TUBB8: variants seen among roughly 807,000 people sequenced by gnomAD.
TUBB8 encodes tubulin beta-8 chain.
In TUBB8, 25 loss-of-function variants were observed where a neutral mutation model predicts 33.7. That is an observed-to-expected ratio of 0.74 (90% confidence interval 0.54 to 1.04). The LOEUF (loss-of-function observed/expected upper bound fraction) is 1.04. TUBB8 is among the 50% of genes least tolerant of loss of function. The probability of loss-of-function intolerance (pLI) is 0.00; values close to 1 mark genes in which losing one functional copy is unlikely to be tolerated. For missense variants in TUBB8, 279 were observed against 608.0 expected (o/e 0.46, Z 5.69); for synonymous variants, 245 against 240.1 (o/e 1.02, Z -0.19).
intron 1 of TUBB8, among the ~76,000 whole-genome samples, chr10:65,131 G>C (rs1312835500): frequency 2.6e-5 from 4 of 152,146 alleles, no homozygotes; most frequent in African/African-American, 9.6e-5. Flanking sequence ...CTGGGCAACA[G>C]AGCAAGAACC....
At chr10:55,083 A>G (rs7918960) in intron 1 of TUBB8, among the ~76,000 whole-genome samples, 120,286 of 151,028 alleles carry the variant, frequency 0.8, 47,218 homozygotes, top group Middle Eastern at 0.89. Flanking sequence ...AAGGAAATAG[A>G]TTTAACTGAG....
intron 1 of TUBB8, among the ~76,000 whole-genome samples, chr10:71,283 C>T (rs1221034803): frequency 1.3e-5 from 2 of 151,746 alleles, no homozygotes; most frequent in Non-Finnish European, 1.5e-5. Context: ...CCACTACACC[C>T]TAGCCTGGGC....
At chr10:64,538 C>A (rs1333122616) in intron 1 of TUBB8, among the ~76,000 whole-genome samples, 4 of 151,978 alleles carry the variant, frequency 2.6e-5, no homozygotes, top group Admixed American at 6.6e-5. Context: ...CTAACACTAA[C>A]CATCTAACCC....
chr10:48,337 C>T, intron 3 of TUBB8: 3 of 634,114 alleles, frequency 4.7e-6, no homozygotes, highest in Non-Finnish European at 5.6e-6. Flanking sequence ...GACCTCGCTG[C>T]AGGTGGCTCC....
chr10:55,471 T>TA (rs1834518966), intron 1 of TUBB8, among the ~76,000 whole-genome samples: 1 of 152,226 alleles, frequency 6.6e-6, no homozygotes, highest in Non-Finnish European at 1.5e-5. Flanking sequence ...TCCTTCACTT[T>TA]AAAAAAGCTT....
chr10:74,514 C>T (rs1481564256), upstream of TUBB8, among the ~76,000 whole-genome samples: 1 of 151,260 alleles, frequency 6.6e-6, no homozygotes, highest in African/African-American at 2.4e-5. Flanking sequence ...GTAGTCCCAG[C>T]TACTCTGGAG....
rs1397700050 is a variant in TUBB8, at chr10:46,919, A to G, written c.*138T>C. The G allele has an allele frequency of 2.9e-5, 17 of 580,530 alleles. No homozygotes were observed. Among genetic ancestry groups the G allele is most frequent in the Non-Finnish European group, 4.8e-5 (16 of 330,206 alleles). The allele number at this position is 580,530 out of a possible 1,614,324, so 36.0% of individuals were successfully genotyped here. On this transcript the variant is annotated 3_prime_UTR_variant, in exon 4 of 4. Coordinates refer to ENST00000568584, the MANE Select transcript of TUBB8 (RefSeq NM_177987.3). Reference sequence around the variant, plus strand: ...CTGTGAGAATACTTTATTAGTCAAAACCGCATACTATAAAAATGCTTTAAA... The same window carrying G: ...CTGTGAGAATACTTTATTAGTCAAAGCCGCATACTATAAAAATGCTTTAAA...
At chr10:65,141 C>G (rs1834654588) in intron 1 of TUBB8, among the ~76,000 whole-genome samples, 1 of 152,148 alleles carries the variant, frequency 6.6e-6, no homozygotes, top group South Asian at 2.1e-4. Flanking sequence ...GAGCAAGAAC[C>G]TGTCTCAAGA....
chr10:47,440 T>C lies in TUBB8; in HGVS notation c.952A>G (p.Arg318Gly). 1 of 1,611,790 alleles carries C rather than the reference T, an allele frequency of 6.2e-7. No homozygotes were observed. The change falls in exon 4 of 4, where the codon AGG becomes GGG. Residue 318 changes from arginine to glycine, a missense_variant. This residue lies in a region of TUBB8 where 123 missense variants were observed against 228.9 expected (regional missense o/e 0.54). Transcript: ENST00000568584. Reference sequence around the variant, plus strand: ...ACCTCCCTCATGGGCATGCGACCCCTGAAAATGGCAGCCGCCGTTAGGTAG... The same window carrying C: ...ACCTCCCTCATGGGCATGCGACCCCCGAAAATGGCAGCCGCCGTTAGGTAG... ...GRYLTAAAIFRGRMPMREVDE... is the reference protein window; with the variant it reads ...GRYLTAAAIFGGRMPMREVDE...
intron 1 of TUBB8, among the ~76,000 whole-genome samples, chr10:68,557 G>A (rs1187377856): frequency 1.3e-5 from 2 of 152,142 alleles, no homozygotes; most frequent in Non-Finnish European, 2.9e-5. Context: ...GAAGTTTGAT[G>A]CCATCTCTGC....
At chr10:53,176 T>C (rs1336836825), upstream of TUBB8, among the ~76,000 whole-genome samples, 1 of 152,220 alleles carries the variant, frequency 6.6e-6, no homozygotes, top group African/African-American at 2.4e-5. Context: ...TTGCCCAGGC[T>C]GGAGTGCAGT....
intron 1 of TUBB8, among the ~76,000 whole-genome samples, chr10:62,343 T>C (rs1834613991): frequency 6.6e-6 from 1 of 152,190 alleles, no homozygotes; most frequent in Non-Finnish European, 1.5e-5. Flanking sequence ...AATTTAACAT[T>C]GATTGCATAA....
intron 1 of TUBB8, among the ~76,000 whole-genome samples, chr10:61,402 T>A (rs1291297578): frequency 6.6e-6 from 1 of 152,228 alleles, no homozygotes; most frequent in African/African-American, 2.4e-5. Context: ...AATGTCCAAG[T>A]GTTTGTATAG....
chr10:59,340 C>G (rs1292383757), intron 1 of TUBB8, among the ~76,000 whole-genome samples: 3 of 152,162 alleles, frequency 2.0e-5, no homozygotes, highest in Non-Finnish European at 4.4e-5. Flanking sequence ...AGGTGCCCAC[C>G]ACTGCACCCG....
intron 1 of TUBB8, among the ~76,000 whole-genome samples, chr10:62,515 T>C (rs1220144647): frequency 2.0e-5 from 3 of 152,270 alleles, no homozygotes; most frequent in Admixed American, 6.5e-5. Flanking sequence ...TCTTTCTATT[T>C]GAGATTTTTG....
intron 1 of TUBB8, among the ~76,000 whole-genome samples, chr10:67,707 G>A (rs1354615116): frequency 2.6e-5 from 4 of 152,214 alleles, no homozygotes; most frequent in Admixed American, 6.5e-5. Flanking sequence ...TTACAGGCGT[G>A]AGCCACCATG....
intron 1 of TUBB8, among the ~76,000 whole-genome samples, chr10:58,697 A>C (rs1834562506): frequency 6.6e-6 from 1 of 152,212 alleles, no homozygotes; most frequent in Admixed American, 6.5e-5. Context: ...AGATAGTACC[A>C]AGTGGGATGG....
intron 1 of TUBB8, among the ~76,000 whole-genome samples, chr10:70,800 G>A (rs1301521446): frequency 2.0e-5 from 3 of 152,190 alleles, no homozygotes; most frequent in East Asian, 3.9e-4. Flanking sequence ...TCTCCACTGC[G>A]CCACTGCACT....
intron 1 of TUBB8, among the ~76,000 whole-genome samples, chr10:70,466 T>G (rs1406681807): frequency 5.9e-5 from 9 of 152,058 alleles, no homozygotes; most frequent in Admixed American, 3.9e-4. Flanking sequence ...CCAGATATTT[T>G]TTAAAATATT....
Sources: allele counts gnomAD v4.1 joint callset (sites outside exome capture counted in the v4.1 genomes callset), GRCh38; gene constraint gnomAD v4.1.1; regional missense constraint gnomAD v4.1.1; transcripts MANE v1.5; gene names NCBI Gene and HGNC (gene_info 2026-07-23, HGNC 2026-07-21).